Variants in WDR27 observed in about 807,000 individuals in gnomAD.
The protein encoded by WDR27 is WD repeat domain 27.
In WDR27, 100 loss-of-function variants were observed where a neutral mutation model predicts 114.4. That is an observed-to-expected ratio of 0.87 (90% CI 0.74 to 1.03). The LOEUF (loss-of-function observed/expected upper bound fraction) is 1.03, where lower values mean the gene tolerates loss of function less well. Among genes scored for constraint, WDR27 ranks in the 50% least tolerant of loss-of-function variants. The pLI, the probability that WDR27 is intolerant of heterozygous loss-of-function variation, is 0.00. For missense variants in WDR27, 1,129 were observed against 1,092.9 expected (o/e 1.03, Z -0.47); for synonymous variants, 449 against 423.1 (o/e 1.06, Z -0.75).
chr6:169,663,885 G>A (rs1460948692), intron 8 of WDR27, among the ~76,000 whole-genome samples: 1 of 152,190 alleles, frequency 6.6e-6, no homozygotes, highest in East Asian at 1.9e-4. Context: ...CCCACTGCAG[G>A]AAAGCAACCC....
intron 21 of WDR27, among the ~76,000 whole-genome samples, chr6:169,614,387 A>G (rs998585168): frequency 6.6e-6 from 1 of 152,194 alleles, no homozygotes; most frequent in Non-Finnish European, 1.5e-5. Context: ...AATAATAACA[A>G]ACTAATAATA....
At position 169,638,321 on chromosome 6, in the gene WDR27, T is replaced by C. The variant is rs1308461018; in HGVS notation, c.1869+218A>G. Among the ~76,000 whole-genome samples the C allele has an allele frequency of 1.2e-4, 6 of 48,104 alleles. No individual in the cohort carries two copies. In the Admixed American group the frequency reaches 3.4e-3, roughly 27 times the overall value. The allele number at this position is 48,104 out of a possible 152,430, so 31.6% of individuals were successfully genotyped here. A position where few individuals can be genotyped will look rare whatever the true frequency, so the allele number is the denominator to read the frequency against. On this transcript the variant is annotated intron_variant, in intron 18 of 25. Coordinates refer to ENST00000448612, the MANE Select transcript of WDR27 (RefSeq NM_182552.5). ...CTGGGCGACAGAGCGAGACTCCGTC[T>C]CAAAAAAAAAAAAAAAAAAAAAAAA...
At chr6:169,653,926 T>G (rs763941362) in intron 13 of WDR27, among the ~76,000 whole-genome samples, 12 of 152,244 alleles carry the variant, frequency 7.9e-5, no homozygotes, top group Non-Finnish European at 1.8e-4. Flanking sequence ...CCCAGGCTGC[T>G]GGCCCTGCAG....
chr6:169,509,918 T>C (rs555487288), intron 25 of WDR27, among the ~76,000 whole-genome samples: 1 of 152,042 alleles, frequency 6.6e-6, no homozygotes. Context: ...TACAATGAAC[T>C]CAAACAAATT....
intron 25 of WDR27, among the ~76,000 whole-genome samples, chr6:169,497,705 G>C (rs74448465): frequency 0.018 from 2,728 of 152,162 alleles, 82 homozygotes; most frequent in African/African-American, 0.062. Flanking sequence ...CAATGAGATT[G>C]TACCTCACAC....
chr6:169,616,286 G>A (rs1423809613), intron 21 of WDR27, among the ~76,000 whole-genome samples: 3 of 152,110 alleles, frequency 2.0e-5, no homozygotes, highest in Admixed American at 6.5e-5. Flanking sequence ...TCAAGAGATC[G>A]AGACCAGCCT....
intron 2 of WDR27, among the ~76,000 whole-genome samples, chr6:169,681,433 G>T (rs1781496425): frequency 6.6e-6 from 1 of 152,226 alleles, no homozygotes; most frequent in African/African-American, 2.4e-5. Context: ...CAAGATCTTA[G>T]AAGGTCATTT....
At chr6:169,512,729 T>C (rs1478890110) in intron 25 of WDR27, among the ~76,000 whole-genome samples, 1 of 152,202 alleles carries the variant, frequency 6.6e-6, no homozygotes, top group East Asian at 1.9e-4. Flanking sequence ...CTTTAGATAG[T>C]AGAGGTAATG....
chr6:169,572,323 G>A (rs544442098), intron 25 of WDR27, 96 bp downstream of exon 25: 31 of 151,218 alleles, frequency 2.1e-4, no homozygotes, highest in East Asian at 1.7e-3. Flanking sequence ...GGCAGATCAC[G>A]AGATCAAGAG....
intron 21 of WDR27, among the ~76,000 whole-genome samples, chr6:169,618,136 T>A (rs1812296084): frequency 6.6e-6 from 1 of 152,204 alleles, no homozygotes; most frequent in Non-Finnish European, 1.5e-5. Context: ...ATTTCCTTTT[T>A]AAAAATACAG....
intron 25 of WDR27, among the ~76,000 whole-genome samples, chr6:169,570,756 G>A (rs902113377): frequency 2.6e-5 from 4 of 152,204 alleles, no homozygotes; most frequent in African/African-American, 9.6e-5. Context: ...TTAAACCTGG[G>A]AGGCGGAGGT....
At position 169,638,667 on chromosome 6, in the gene WDR27, G is replaced by A. The variant is rs1301281094; in HGVS notation, c.1748-7C>T. On this transcript the variant is annotated splice_region_variant and splice_polypyrimidine_tract_variant and intron_variant, in intron 17 of 25. Transcript: ENST00000448612. ...TTCACTGCCCCGTCGTGACCTAACA[G>A]GAATGACCACAGAAGGTTACTATTT... The A allele has an allele frequency of 1.9e-6, 3 of 1,597,506 alleles. No homozygotes were observed. The highest frequency in any genetic ancestry group is 1.1e-5 in the South Asian group (1 of 88,298).
chr6:169,579,564 T>G (rs1803020826), intron 24 of WDR27, among the ~76,000 whole-genome samples: 1 of 152,130 alleles, frequency 6.6e-6, no homozygotes, highest in Non-Finnish European at 1.5e-5. Flanking sequence ...GTTGCCCTCA[T>G]TACTCATTAT....
rs146036597 is a variant in WDR27 at position 169,694,315 on chromosome 6, A to T, written c.-7-5303T>A. On this transcript the variant is annotated intron_variant, in intron 1 of 25. Transcript: ENST00000448612. ...GACAAAAGCGAAACTTTGTCTCAAAAAAATAAATAAATAAATAAGTCATCA... is the reference window on the plus strand; with the variant it reads ...GACAAAAGCGAAACTTTGTCTCAAATAAATAAATAAATAAATAAGTCATCA... Among the ~76,000 whole-genome samples the T allele has an allele frequency of 3.4e-3, 511 of 152,320 alleles. 5 individuals are homozygous for T. The highest frequency in any genetic ancestry group is 5.8e-3 in the Non-Finnish European group (395 of 68,038).
chr6:169,636,466 C>T lies in WDR27; in HGVS notation c.1908G>A (p.Gln636=), dbSNP rs1220522222. ...ATATAAAGGCATCTATATAATAGAA[C>T]TGTGCAGACTGTATAGGTTTAGAAA... ...DMFSKPIQSA[Q]FYYIDAFILL... is the part of the protein sequence containing the mutation. Residue 636 remains glutamine (Q), a synonymous_variant, in exon 19 of 26, where the codon CAG becomes CAA. Coordinates refer to ENST00000448612, the MANE Select transcript of WDR27 (RefSeq NM_182552.5). 6.2e-7 allele frequency: 1 copy of T among 1,613,718 alleles called. No individual in the cohort carries two copies. Among genetic ancestry groups the T allele is most frequent in the South Asian group, 1.1e-5 (1 of 91,014 alleles).
intron 25 of WDR27, among the ~76,000 whole-genome samples, chr6:169,543,649 T>C (rs1457152986): frequency 2.6e-5 from 4 of 152,184 alleles, no homozygotes; most frequent in Admixed American, 2.6e-4. Context: ...TTGCAATCTG[T>C]TGTTTGGGTT....
At chr6:169,448,433 TA>T in the WDR27 span, among the ~76,000 whole-genome samples, 24 of 151,464 alleles carry the variant, frequency 1.6e-4, no homozygotes, top group African/African-American at 4.1e-4. Flanking sequence ...TATATATATA[TA>T]TTTTTTTACT....
chr6:169,466,126 G>A (rs1368030486), intron 25 of WDR27, among the ~76,000 whole-genome samples: 7 of 152,174 alleles, frequency 4.6e-5, no homozygotes, highest in Admixed American at 4.6e-4. Context: ...CAGAACATGG[G>A]TCTCTTGCCC....
At chr6:169,461,603 A>G (rs1784907496) in intron 25 of WDR27, among the ~76,000 whole-genome samples, 2 of 151,884 alleles carry the variant, frequency 1.3e-5, no homozygotes, top group Admixed American at 1.3e-4. Context: ...TGACACAGCA[A>G]GAGCAATGTT....
Sources: gnomAD v4.1 joint callset for allele counts (sites outside exome capture counted in the v4.1 genomes callset) on GRCh38, gnomAD v4.1.1 for gene constraint, MANE v1.5 for transcripts, NCBI Gene and HGNC (gene_info 2026-07-23, HGNC 2026-07-21) for gene names.